GALNT13: variants seen among roughly 807,000 people sequenced by gnomAD.
The protein encoded by GALNT13 is UDP-GalNAc:polypeptide N-acetylgalactosaminyltransferase 13.
Under a neutral mutation model 64.2 loss-of-function variants are expected in GALNT13, and 28 were observed. The ratio of observed to expected loss-of-function variants is 0.44; its 90% CI spans 0.32 to 0.60. The LOEUF is 0.60. GALNT13 is among the 20% of genes least tolerant of loss of function. The pLI, the probability that GALNT13 is intolerant of heterozygous loss-of-function variation, is 0.05. For missense variants in GALNT13, 577 were observed against 669.8 expected (o/e 0.86, Z 1.53); for synonymous variants, 214 against 224.6 (o/e 0.95, Z 0.42).
chr2:153,907,347 A>G (rs1162551635), intron 2 of GALNT13, among the ~76,000 whole-genome samples: 2 of 151,824 alleles, frequency 1.3e-5, no homozygotes, highest in Non-Finnish European at 2.9e-5. Flanking sequence ...TTATATACAT[A>G]TGTATCATAT....
intron 3 of GALNT13, among the ~76,000 whole-genome samples, chr2:154,136,822 C>T (rs1009795513): frequency 6.6e-6 from 1 of 151,886 alleles, no homozygotes; most frequent in African/African-American, 2.4e-5. Flanking sequence ...GAAGTCTACG[C>T]CAGCTTTGGT....
intron 3 of GALNT13, among the ~76,000 whole-genome samples, chr2:154,049,590 G>A (rs1167927676): frequency 1.3e-5 from 2 of 149,606 alleles, no homozygotes; most frequent in African/African-American, 4.9e-5. Context: ...CAGAATTCAG[G>A]GAATACACCA....
At chr2:154,350,092 G>C (rs921199987) in intron 9 of GALNT13, among the ~76,000 whole-genome samples, 1 of 152,220 alleles carries the variant, frequency 6.6e-6, no homozygotes, top group Admixed American at 6.5e-5. Context: ...AGTGAGAATA[G>C]TAGTGTCTAG....
At position 154,298,584 on chromosome 2, in the gene GALNT13, T is replaced by C. The variant is rs12993892; in HGVS notation, c.976-2825T>C. ...ATAATTTATATATAAATTGTATATA[T>C]AATTTATATATACAATGTATATATT... On this transcript the variant is annotated intron_variant, in intron 8 of 12. Coordinates refer to ENST00000392825, the MANE Select transcript of GALNT13 (RefSeq NM_052917.4). Among the ~76,000 whole-genome samples, 119 of 29,066 alleles carry C rather than the reference T, an allele frequency of 4.1e-3. 5 individuals are homozygous for C. Among genetic ancestry groups the C allele is most frequent in the African/African-American group, 6.6e-3 (60 of 9,104 alleles). The allele number at this position is 29,066 out of a possible 152,430, so 19.1% of individuals were successfully genotyped here.
chr2:154,007,290 G>A (rs1519199), intron 3 of GALNT13, among the ~76,000 whole-genome samples: 115,704 of 151,046 alleles, frequency 0.77, 44,761 homozygotes, highest in East Asian at 0.96. Context: ...GTCACCAATC[G>A]TGTGAGCTCA....
intron 3 of GALNT13, among the ~76,000 whole-genome samples, chr2:154,043,415 TATATATATATATATATATA>T (rs1472146057): frequency 8.1e-4 from 68 of 83,620 alleles, no homozygotes; most frequent in Non-Finnish European, 1.3e-3. Context: ...TAAGGACTTT[TATATATATATATATATATA>T]TATATATATA....
chr2:153,639,405 C>G, the GALNT13 span, among the ~76,000 whole-genome samples: 2 of 151,840 alleles, frequency 1.3e-5, no homozygotes, highest in African/African-American at 4.8e-5. Flanking sequence ...ATGAGTGAGG[C>G]AAAATGAATA....
chr2:153,896,094 T>TTTTTTTTTTTTTTTTTTTTTGAGACGGAG (rs1553452261), intron 1 of GALNT13, among the ~76,000 whole-genome samples: 1 of 147,806 alleles, frequency 6.8e-6, no homozygotes, highest in African/African-American at 2.5e-5. Context: ...TTTATGTTTT[T>TTTTTTTTTTTTTTTTTTTTTGAGACGGAG]TCCTAAATTA....
intron 8 of GALNT13, among the ~76,000 whole-genome samples, chr2:154,268,361 G>T (rs1373997773): frequency 6.6e-6 from 1 of 152,130 alleles, no homozygotes; most frequent in Non-Finnish European, 1.5e-5. Context: ...TTTAGTAAAT[G>T]CAAACTAATC....
the GALNT13 span, among the ~76,000 whole-genome samples, chr2:153,696,177 C>T: frequency 6.6e-6 from 1 of 152,204 alleles, no homozygotes; most frequent in Middle Eastern, 3.4e-3. Flanking sequence ...CGCCAAAGGC[C>T]CAAGAGCCCC....
At chr2:153,425,247 T>G in the GALNT13 span, among the ~76,000 whole-genome samples, 1 of 151,744 alleles carries the variant, frequency 6.6e-6, no homozygotes, top group Non-Finnish European at 1.5e-5. Flanking sequence ...GAGCCAAATA[T>G]AGAAAAATAT....
chr2:153,423,473 T>C, the GALNT13 span: 1 of 151,946 alleles, frequency 6.6e-6, no homozygotes, highest in Non-Finnish European at 1.5e-5. Context: ...CCTTCTTCTA[T>C]TCATCATTGT....
chr2:154,432,352 TA>T, intron 11 of GALNT13, among the ~76,000 whole-genome samples: 1 of 152,280 alleles, frequency 6.6e-6, no homozygotes, highest in Admixed American at 6.5e-5. Context: ...AATGACAATC[TA>T]AAATCAGATT....
intron 9 of GALNT13, among the ~76,000 whole-genome samples, chr2:154,337,540 C>A (rs141105761): frequency 6.6e-6 from 1 of 151,914 alleles, no homozygotes; most frequent in African/African-American, 2.4e-5. Context: ...AACCCATAAG[C>A]ATACCACATA....
the GALNT13 span, among the ~76,000 whole-genome samples, chr2:153,347,942 G>A: frequency 0.12 from 18,715 of 152,034 alleles, 1,296 homozygotes; most frequent in Non-Finnish European, 0.16. Flanking sequence ...TTTCCTTTTT[G>A]GTGACCTGGA....
At chr2:153,796,959 G>A in the GALNT13 span, among the ~76,000 whole-genome samples, 1 of 152,134 alleles carries the variant, frequency 6.6e-6, no homozygotes. Context: ...GATGCAATAA[G>A]TTACAGAGTT....
At chr2:153,279,278 AGG>A in the GALNT13 span, among the ~76,000 whole-genome samples, 1 of 152,162 alleles carries the variant, frequency 6.6e-6, no homozygotes, top group South Asian at 2.1e-4. Context: ...TGGGATTTCT[AGG>A]TATAGAACTA....
rs937862714 is a variant in GALNT13, at chr2:154,445,845, G to T, written c.1531-4566G>T. On this transcript the variant is annotated intron_variant, in intron 12 of 12. Transcript: ENST00000392825. ...AAGGGCAGGCACGGAGCTTCAAGATGTAGGTGGCCATAGTCTGTGGCTTTC... is the reference window on the plus strand; with the variant it reads ...AAGGGCAGGCACGGAGCTTCAAGATTTAGGTGGCCATAGTCTGTGGCTTTC... The T allele has an allele frequency of 3.1e-6, 4 of 1,288,128 alleles. No homozygotes were observed. In the African/African-American group the frequency reaches 6.1e-5, roughly 20 times the overall value. 79.8% of individuals were successfully genotyped at this position (1,288,128 alleles called of 1,614,324 possible).
the GALNT13 span, among the ~76,000 whole-genome samples, chr2:153,161,323 G>C: frequency 1.3e-5 from 2 of 152,148 alleles, no homozygotes; most frequent in Non-Finnish European, 2.9e-5. Context: ...TTAACCGCAT[G>C]TCAGATACTC....
Sources: gnomAD v4.1 joint callset for allele counts (sites outside exome capture counted in the v4.1 genomes callset) on GRCh38, gnomAD v4.1.1 for gene constraint, MANE v1.5 for transcripts, NCBI Gene and HGNC (gene_info 2026-07-23, HGNC 2026-07-21) for gene names.